MROH2B: variants seen among roughly 807,000 people sequenced by gnomAD.
MROH2B encodes maestro heat like repeat family member 2B.
In MROH2B, 177 loss-of-function variants were observed where a neutral mutation model predicts 208.6. The ratio of observed to expected loss-of-function variants is 0.85; its 90% CI spans 0.75 to 0.96. MROH2B has a LOEUF of 0.96. MROH2B is among the 40% of genes least tolerant of loss of function. The pLI is 0.00. For missense variants in MROH2B, 2,002 were observed against 1,878.7 expected, an observed-to-expected ratio of 1.07 and a Z score of -1.21; for synonymous variants, 728 against 659.0, an observed-to-expected ratio of 1.10 and a Z score of -1.60.
At chr5:41,026,705 A>C (rs1292039559) in intron 24 of MROH2B, among the ~76,000 whole-genome samples, 1 of 152,174 alleles carries the variant, frequency 6.6e-6, no homozygotes. Context: ...TTCATATGGA[A>C]CCAAAAAAGG....
chr5:41,041,610 C>T (rs116118370), intron 19 of MROH2B, among the ~76,000 whole-genome samples: 7,543 of 152,078 alleles, frequency 0.05, 214 homozygotes, highest in Middle Eastern at 0.071. Flanking sequence ...GGTGACAGAG[C>T]GACACTCTGT....
chr5:41,039,185 G>A lies in MROH2B; in HGVS notation c.2061+263C>T, dbSNP rs1025795469. Among the ~76,000 whole-genome samples, 5 of 152,110 alleles carry A rather than the reference G, an allele frequency of 3.3e-5. No homozygotes were observed. In the East Asian group the frequency reaches 9.6e-4, roughly 29 times the overall value. On this transcript the variant is annotated intron_variant, in intron 20 of 41. Transcript: ENST00000399564. The stretch of plus-strand genomic sequence containing the variant: ...TATGCATGAGAGGAGCTATTCATGA[G>A]GGCCGAGTGGTTGGTAGAGGGACAA...
intron 32 of MROH2B, 148 bp downstream of exon 32, chr5:41,009,132 T>A: frequency 8.8e-7 from 1 of 1,130,046 alleles, no homozygotes. Context: ...CAGACAAAAG[T>A]AGAGCCACAA....
chr5:41,063,148 G>C (rs1743693175), intron 5 of MROH2B, among the ~76,000 whole-genome samples: 1 of 152,116 alleles, frequency 6.6e-6, no homozygotes, highest in African/African-American at 2.4e-5. Context: ...ATGTTCATGA[G>C]GATTTCTAGT....
At position 41,053,143 on chromosome 5, in the gene MROH2B, A is replaced by G. The variant is rs77826159; in HGVS notation, c.1108-556T>C. 3.0e-3 allele frequency among the ~76,000 whole-genome samples: 459 copies of G among 152,340 alleles called. 3 individuals carry two copies. Among genetic ancestry groups the G allele is most frequent in the African/African-American group, 0.01 (431 of 41,586 alleles). On this transcript the variant is annotated intron_variant, in intron 11 of 41. Transcript: ENST00000399564. Reference sequence around the variant, plus strand: ...CACTGCTTTGCTTTTAAAATACTCAATGAAAGATAACAGACAACTGTTTAT... The same window carrying G: ...CACTGCTTTGCTTTTAAAATACTCAGTGAAAGATAACAGACAACTGTTTAT...
chr5:41,053,566 C>A (rs952290906), intron 11 of MROH2B, among the ~76,000 whole-genome samples: 1 of 152,084 alleles, frequency 6.6e-6, no homozygotes. Context: ...AAGAAAAAAA[C>A]CATTTTGAAC....
At chr5:41,046,587 G>A (rs1319240213) in intron 17 of MROH2B, among the ~76,000 whole-genome samples, 2 of 151,850 alleles carry the variant, frequency 1.3e-5, no homozygotes, top group African/African-American at 2.4e-5. Context: ...GCTCATTCAT[G>A]GGTTCTTTAA....
In MROH2B at chr5:41,007,385, A is replaced by G. The variant is rs1378562904; in HGVS notation, c.3678T>C (p.Asp1226=). ...AMREGLAKES[D]EGDNLWTLLS... ...GTAGAGTCCATAAGTTGTCCCCCTC[A>G]TCAGATTCCTTTGCAAGGCCTTCTC... The change falls in exon 34 of 42, where the codon GAT becomes GAC. Residue 1226 remains aspartate (D), a synonymous_variant. Coordinates refer to ENST00000399564, the MANE Select transcript of MROH2B (RefSeq NM_173489.5). 13 of 1,555,440 alleles carry G rather than the reference A, an allele frequency of 8.4e-6. No individual in the cohort carries two copies. The highest frequency in any genetic ancestry group is 1.1e-5 in the Non-Finnish European group (13 of 1,148,628).
At chr5:41,040,416 C>A (rs984417407) in intron 19 of MROH2B, among the ~76,000 whole-genome samples, 1 of 152,160 alleles carries the variant, frequency 6.6e-6, no homozygotes, top group Non-Finnish European at 1.5e-5. Context: ...TAGACTAGAC[C>A]ATTCTTGTAG....
In MROH2B at chr5:41,043,388, G is replaced by A. The variant is rs900182317; in HGVS notation, c.1837-1180C>T. ...CTGTGTACAATACAGAAGTAAATAC[G>A]AATTGGGGACAAAGCTGCTAAAGTC... is the stretch of plus-strand genomic sequence containing the variant. On this transcript the variant is annotated intron_variant, in intron 18 of 41. Transcript: ENST00000399564. 3.9e-5 allele frequency among the ~76,000 whole-genome samples: 6 copies of A among 152,210 alleles called. No homozygotes were observed. The South Asian group carries it at 6.2e-4, about 16-fold the overall frequency.
chr5:41,007,239 C>T (rs191513533), intron 34 of MROH2B, 75 bp downstream of exon 34: 9 of 1,323,984 alleles, frequency 6.8e-6, no homozygotes, highest in South Asian at 2.1e-5. Flanking sequence ...GTGAAGTTGC[C>T]TGTATTGCAC....
rs187614968 is a variant in MROH2B at position 41,048,096 on chromosome 5, A to T, written c.1684+228T>A. The T allele has an allele frequency of 1.2e-5, 6 of 496,210 alleles. No homozygotes were observed. In the Admixed American group the frequency reaches 2.3e-4, roughly 19 times the overall value. The allele number at this position is 496,210 out of a possible 1,614,324, so 30.7% of individuals were successfully genotyped here. A position where few individuals can be genotyped will look rare whatever the true frequency, so the allele number is the denominator to read the frequency against. On this transcript the variant is annotated intron_variant, in intron 16 of 41. Coordinates refer to ENST00000399564, the MANE Select transcript of MROH2B (RefSeq NM_173489.5). ...ACAAGAAAAAGACGAGAGCAAAAGTAAAAATTCCTGCTAAGAATGTTACCT... is the reference window on the plus strand; with the variant it reads ...ACAAGAAAAAGACGAGAGCAAAAGTTAAAATTCCTGCTAAGAATGTTACCT...
chr5:41,069,479 T>C (rs1408446977), intron 2 of MROH2B, among the ~76,000 whole-genome samples: 1 of 152,188 alleles, frequency 6.6e-6, no homozygotes, highest in Non-Finnish European at 1.5e-5. Flanking sequence ...TTTTTTGCTA[T>C]TTTCTAGACA....
intron 37 of MROH2B, among the ~76,000 whole-genome samples, chr5:41,003,554 C>G (rs946817565): frequency 1.3e-5 from 2 of 152,030 alleles, no homozygotes; most frequent in African/African-American, 4.8e-5. Flanking sequence ...ATTTAGAGTT[C>G]CAACTCAGTC....
intron 28 of MROH2B, among the ~76,000 whole-genome samples, chr5:41,016,395 A>G (rs906955793): frequency 1.3e-5 from 2 of 152,078 alleles, no homozygotes; most frequent in East Asian, 1.9e-4. Flanking sequence ...ATATTTTAGG[A>G]AAATGAAGTG....
chr5:41,003,210 C>T (rs1424806670), intron 37 of MROH2B, among the ~76,000 whole-genome samples: 1 of 152,142 alleles, frequency 6.6e-6, no homozygotes, highest in Non-Finnish European at 1.5e-5. Flanking sequence ...ATCCACCTGC[C>T]TCAGCCTCCC....
At chr5:41,009,514 G>A in intron 31 of MROH2B, 108 bp from the exon 32 acceptor site, 1 of 1,375,094 alleles carries the variant, frequency 7.3e-7, no homozygotes. Context: ...ACAATTTCAA[G>A]GGCAGATGGA....
chr5:41,015,235 G>A, intron 29 of MROH2B, 146 bp downstream of exon 29: 2 of 654,322 alleles, frequency 3.1e-6, no homozygotes. Flanking sequence ...GACTAGGCAT[G>A]TGTACTCTAA....
At chr5:41,058,010 G>T in intron 7 of MROH2B, 53 bp downstream of exon 7, 2 of 1,418,714 alleles carry the variant, frequency 1.4e-6, no homozygotes, top group South Asian at 3.5e-5. Flanking sequence ...AAAGCCTCCC[G>T]GAGGGTTGCA....
Sources: gnomAD v4.1 joint callset for allele counts (sites outside exome capture counted in the v4.1 genomes callset) on GRCh38, gnomAD v4.1.1 for gene constraint, MANE v1.5 for transcripts, NCBI Gene and HGNC (gene_info 2026-07-23, HGNC 2026-07-21) for gene names.